Variants in SIPA1L3 observed in about 807,000 individuals in gnomAD.
SIPA1L3 encodes the protein signal induced proliferation associated 1 like 3.
Under a neutral mutation model 150.1 loss-of-function variants are expected in SIPA1L3, and 59 were observed. That is an observed-to-expected ratio of 0.39 (90% confidence interval 0.32 to 0.49). SIPA1L3 has a LOEUF of 0.49. SIPA1L3 is among the 20% of genes least tolerant of loss of function. The pLI, the probability that SIPA1L3 is intolerant of heterozygous loss-of-function variation, is 0.86. For missense variants in SIPA1L3, 2,211 were observed against 2,489.5 expected (o/e 0.89, Z 2.38); for synonymous variants, 1,070 against 1,077.6 (o/e 0.99, Z 0.14).
At chr19:38,186,510 G>A (rs1972681561) in intron 16 of SIPA1L3, among the ~76,000 whole-genome samples, 1 of 140,518 alleles carries the variant, frequency 7.1e-6, no homozygotes, top group African/African-American at 2.5e-5. Context: ...GTTTTGTTTT[G>A]TTCTTCTTAA....
In SIPA1L3 at chr19:37,979,897, C is replaced by T. The variant is rs1967161912; in HGVS notation, c.-378-49192C>T. 2.0e-5 allele frequency among the ~76,000 whole-genome samples: 3 copies of T among 152,218 alleles called. No individual in the cohort carries two copies. In the South Asian group the frequency reaches 6.2e-4, roughly 31 times the overall value. The stretch of plus-strand genomic sequence containing the variant: ...TGCCCAGGTTCGGCTGGCGGTGGGT[C>T]TGTTGGTGCCTCCGCGTGCACACTC... On this transcript the variant is annotated intron_variant, in intron 1 of 21. Transcript: ENST00000222345.
chr19:38,037,140 A>G (rs1405987803), intron 2 of SIPA1L3, among the ~76,000 whole-genome samples: 1 of 152,198 alleles, frequency 6.6e-6, no homozygotes, highest in Non-Finnish European at 1.5e-5. Context: ...CTCATAGTTT[A>G]GTGGTGGAAA....
chr19:38,010,742 A>C (rs769240324), intron 1 of SIPA1L3, among the ~76,000 whole-genome samples: 1 of 152,086 alleles, frequency 6.6e-6, no homozygotes, highest in African/African-American at 2.4e-5. Context: ...AAGAATGTAC[A>C]CACTCTGGAG....
rs147691885 is a variant in SIPA1L3 at position 37,983,538 on chromosome 19, C to T, written c.-378-45551C>T. Reference sequence around the variant, plus strand: ...TAACCGAGTCTTAGCCTCAGGTATGCGGAGAGACCAGCTCAGTTCCAGGGG... The same window carrying T: ...TAACCGAGTCTTAGCCTCAGGTATGTGGAGAGACCAGCTCAGTTCCAGGGG... On this transcript the variant is annotated intron_variant, in intron 1 of 21. Transcript: ENST00000222345. Among the ~76,000 whole-genome samples the T allele has an allele frequency of 1.1e-3, 172 of 152,220 alleles. 1 individual carries two copies. The highest frequency in any genetic ancestry group is 3.6e-3 in the African/African-American group (148 of 41,528).
intron 20 of SIPA1L3, chr19:38,203,895 T>C: frequency 1.9e-6 from 1 of 536,760 alleles, no homozygotes; most frequent in Non-Finnish European, 3.3e-6. Flanking sequence ...CAGCCACCCT[T>C]CCCCTGGCCT....
At chr19:38,140,067 C>T (rs1390323407) in intron 10 of SIPA1L3, among the ~76,000 whole-genome samples, 1 of 152,230 alleles carries the variant, frequency 6.6e-6, no homozygotes, top group Non-Finnish European at 1.5e-5. Flanking sequence ...AGCCTCTGAA[C>T]CACCATATCC....
At chr19:38,030,621 CAAATATATATATATATATATATATAT>C (rs1201370182) in intron 2 of SIPA1L3, among the ~76,000 whole-genome samples, 2 of 2,986 alleles carry the variant, frequency 6.7e-4, no homozygotes, top group Non-Finnish European at 1.3e-3. Flanking sequence ...ATATATGTGG[CAAATATATATATATATATATATATAT>C]ATATGGCAAA....
rs530556948 is a variant in SIPA1L3, at chr19:38,125,394, C to T, written c.2869-5104C>T. Among the ~76,000 whole-genome samples the T allele has an allele frequency of 3.3e-4, 50 of 152,272 alleles. No homozygotes were observed. The South Asian group carries it at 8.5e-3, about 26-fold the overall frequency. On this transcript the variant is annotated intron_variant, in intron 9 of 21. Transcript: ENST00000222345. ...CTCCCCTAATCTTGACAGCAGCTCGCGTTTCTTGAGCAGGGACCATGCCAG... is the reference window on the plus strand; with the variant it reads ...CTCCCCTAATCTTGACAGCAGCTCGTGTTTCTTGAGCAGGGACCATGCCAG...
intron 1 of SIPA1L3, among the ~76,000 whole-genome samples, chr19:37,912,542 C>T (rs188563579): frequency 1.3e-5 from 2 of 152,248 alleles, no homozygotes; most frequent in Non-Finnish European, 2.9e-5. Flanking sequence ...GTTGCCCACG[C>T]TGGAGTGCAG....
intron 1 of SIPA1L3, among the ~76,000 whole-genome samples, chr19:37,993,068 G>A (rs1291972465): frequency 6.6e-6 from 1 of 152,174 alleles, no homozygotes; most frequent in Non-Finnish European, 1.5e-5. Flanking sequence ...TTGTTCTGAG[G>A]ACAGCAGAAT....
At position 37,925,590 on chromosome 19, in the gene SIPA1L3, CTTTTTTT is replaced by C. The variant is rs761234489; in HGVS notation, c.-379+18248_-379+18254del. ...TTTTTCAGGGTTGATTGATTTATTA[CTTTTTTT>C]TTTTTTTTTTTTTTTGAGACGGAGT... On this transcript the variant is annotated intron_variant, in intron 1 of 21. Transcript: ENST00000222345. Among the ~76,000 whole-genome samples the C allele has an allele frequency of 7.6e-3, 837 of 110,752 alleles. 11 individuals are homozygous for C. The highest frequency in any genetic ancestry group is 0.026 in the African/African-American group (788 of 30,820). 72.7% of individuals were successfully genotyped at this position (110,752 alleles called of 152,430 possible). A position where few individuals can be genotyped will look rare whatever the true frequency, so the allele number is the denominator to read the frequency against.
At chr19:38,197,484 C>CA (rs1280839879) in intron 18 of SIPA1L3, among the ~76,000 whole-genome samples, 1 of 152,078 alleles carries the variant, frequency 6.6e-6, no homozygotes, top group African/African-American at 2.4e-5. Flanking sequence ...CCTGCCCCCC[C>CA]ACGGCAACCC....
chr19:38,084,800 CAG>C (rs2145830408), intron 3 of SIPA1L3, among the ~76,000 whole-genome samples: 1 of 151,950 alleles, frequency 6.6e-6, no homozygotes, highest in East Asian at 2.0e-4. Flanking sequence ...CTATCATGCC[CAG>C]CTAATTTTTG....
chr19:38,012,128 C>G (rs572087696), intron 1 of SIPA1L3, among the ~76,000 whole-genome samples: 8 of 151,312 alleles, frequency 5.3e-5, no homozygotes, highest in Non-Finnish European at 1.2e-4. Context: ...GCTCTGTCAC[C>G]CAGGCTGGAG....
chr19:38,003,542 CTT>C (rs1967863788), intron 1 of SIPA1L3, among the ~76,000 whole-genome samples: 1 of 152,194 alleles, frequency 6.6e-6, no homozygotes, highest in Admixed American at 6.5e-5. Context: ...CACTTCCTGA[CTT>C]GAGTTTATTT....
chr19:38,079,908 G>T (rs149332440), intron 2 of SIPA1L3, among the ~76,000 whole-genome samples: 101 of 152,280 alleles, frequency 6.6e-4, no homozygotes, highest in Non-Finnish European at 1.1e-3. Context: ...CCCCAAGAAG[G>T]ACTGAGGAAG....
intron 17 of SIPA1L3, among the ~76,000 whole-genome samples, chr19:38,192,552 C>G (rs531960082): frequency 6.6e-6 from 1 of 152,338 alleles, no homozygotes; most frequent in East Asian, 1.9e-4. Context: ...GAATCTACCC[C>G]ATACCGAGAA....
chr19:38,097,749 G>A (rs1045177385), intron 4 of SIPA1L3, among the ~76,000 whole-genome samples: 7 of 152,114 alleles, frequency 4.6e-5, no homozygotes, highest in African/African-American at 1.4e-4. Context: ...TAGAGACAGG[G>A]TTTCACCCAT....
chr19:37,999,841 C>T (rs747004874), intron 1 of SIPA1L3, among the ~76,000 whole-genome samples: 16 of 152,116 alleles, frequency 1.1e-4, no homozygotes, highest in Non-Finnish European at 1.9e-4. Context: ...GGGAACCTAG[C>T]CCTGAATGAA....
Sources: allele counts gnomAD v4.1 joint callset (sites outside exome capture counted in the v4.1 genomes callset), GRCh38; gene constraint gnomAD v4.1.1; transcripts MANE v1.5; gene names NCBI Gene and HGNC (gene_info 2026-07-23, HGNC 2026-07-21).